The following PDZD8 variants were observed in gnomAD, a reference collection of about 807,000 sequenced individuals.
PDZD8 encodes PDZ domain-containing protein 8.
A neutral mutation model predicts 85.8 loss-of-function variants in PDZD8; 14 were observed. That is an observed-to-expected ratio of 0.16 (90% CI 0.11 to 0.26). The LOEUF (loss-of-function observed/expected upper bound fraction) is 0.26, where lower values mean the gene tolerates loss of function less well. PDZD8 is among the 10% of genes least tolerant of loss of function. The pLI is 1.00. For missense variants in PDZD8, 1,197 were observed against 1,424.3 expected (o/e 0.84, Z 2.57); for synonymous variants, 592 against 568.6 (o/e 1.04, Z -0.59).
Position 117,285,118 on chromosome 10 carries a change from G to A in PDZD8, c.1615C>T (p.Pro539Ser). The A allele has an allele frequency of 1.2e-6, 2 of 1,614,040 alleles. No homozygotes were observed. The highest frequency in any genetic ancestry group is 2.2e-5 in the East Asian group (1 of 44,894). The change falls in exon 5 of 5, where the codon CCA becomes TCA. Residue 539 changes from proline to serine, a missense_variant. Pro to Ser is a moderately conservative substitution (Grantham distance 74, BLOSUM62 -1). Around this residue, in one of 4 missense-constraint regions of PDZD8, gnomAD observed 263 missense variants for 261.9 expected, o/e 1.00. Transcript: ENST00000334464. Reference sequence around the variant, plus strand: ...ACAGCTAATTTACGGTTTAAAACTGGTGATATAGCTCCAAGGGGTTTAATA... The same window carrying A: ...ACAGCTAATTTACGGTTTAAAACTGATGATATAGCTCCAAGGGGTTTAATA... ...LSIKPLGAISPVLNRKLAVGS... is the reference protein window; with the variant it reads ...LSIKPLGAISSVLNRKLAVGS...
intron 2 of PDZD8, among the ~76,000 whole-genome samples, chr10:117,320,601 C>A (rs1844212198): frequency 6.6e-6 from 1 of 151,826 alleles, no homozygotes; most frequent in Admixed American, 6.6e-5. Flanking sequence ...TAGAAGAAAA[C>A]ATAAAAGTAA....
At chr10:117,359,642 C>CAG (rs1327180476) in intron 1 of PDZD8, among the ~76,000 whole-genome samples, 3 of 151,994 alleles carry the variant, frequency 2.0e-5, no homozygotes, top group South Asian at 4.2e-4. Context: ...GCCCAGGAGG[C>CAG]AGAGGTTGCA....
rs562514942 is a variant in PDZD8 at position 117,342,261 on chromosome 10, A to G, written c.873-1159T>C. 1.2e-4 allele frequency among the ~76,000 whole-genome samples: 19 copies of G among 152,308 alleles called. 2 individuals carry two copies. In the South Asian group the frequency reaches 3.7e-3, roughly 30 times the overall value. On this transcript the variant is annotated intron_variant, in intron 1 of 4. Transcript: ENST00000334464. Reference sequence around the variant, plus strand: ...CAACTCATACTCCTCCATTAAAGCTAAAGAAAAAGAAAATGAAAGAAAATT... The same window carrying G: ...CAACTCATACTCCTCCATTAAAGCTGAAGAAAAAGAAAATGAAAGAAAATT...
In PDZD8 at chr10:117,375,260, C is replaced by G. The variant is rs748307889; in HGVS notation, c.-33G>C. On this transcript the variant is annotated 5_prime_UTR_variant, in exon 1 of 5. Transcript: ENST00000334464. ...CCGCCTCCGCCCGGGCCCCTACTCC[C>G]GCGCCCACAGCGCCGCTTTCTTCAC... 7.0e-7 allele frequency: 1 copy of G among 1,429,496 alleles called. No homozygotes were observed. Among genetic ancestry groups the G allele is most frequent in the Non-Finnish European group, 9.1e-7 (1 of 1,095,602 alleles). 88.6% of individuals were successfully genotyped at this position (1,429,496 alleles called of 1,614,324 possible).
intron 2 of PDZD8, among the ~76,000 whole-genome samples, chr10:117,339,742 A>G (rs1844578630): frequency 6.6e-6 from 1 of 152,224 alleles, no homozygotes; most frequent in African/African-American, 2.4e-5. Context: ...CATGTGAATC[A>G]CAGCCTAAAA....
At chr10:117,347,856 T>A (rs1294962737) in intron 1 of PDZD8, among the ~76,000 whole-genome samples, 1 of 152,158 alleles carries the variant, frequency 6.6e-6, no homozygotes, top group Non-Finnish European at 1.5e-5. Flanking sequence ...AAGGATCAGA[T>A]ATTATATGAC....
chr10:117,367,597 G>T (rs1478623988), intron 1 of PDZD8, among the ~76,000 whole-genome samples: 10 of 152,204 alleles, frequency 6.6e-5, no homozygotes, highest in Non-Finnish European at 1.5e-5. Context: ...TGTGCAAGAA[G>T]TAAAATCAGC....
rs1372690689 is a variant in PDZD8, at chr10:117,290,178, A to C, written c.1261+8T>G. ...AAGGTAAAGTATAATGCATATTAGC[A>C]TAATTACCTCCAATGGCGATAAGTC... On this transcript the variant is annotated splice_region_variant and intron_variant, in intron 4 of 4. Coordinates refer to ENST00000334464, the MANE Select transcript of PDZD8 (RefSeq NM_173791.5). 1 of 1,611,208 alleles carries C rather than the reference A, an allele frequency of 6.2e-7. No individual in the cohort carries two copies. Among genetic ancestry groups the C allele is most frequent in the Admixed American group, 1.7e-5 (1 of 59,302 alleles).
intron 1 of PDZD8, among the ~76,000 whole-genome samples, chr10:117,365,123 C>A (rs1474750477): frequency 6.7e-6 from 1 of 148,196 alleles, no homozygotes; most frequent in Non-Finnish European, 1.5e-5. Flanking sequence ...AAATATATGC[C>A]AAAAAAAAAA....
intron 3 of PDZD8, among the ~76,000 whole-genome samples, chr10:117,308,879 T>C (rs1291966940): frequency 6.6e-6 from 1 of 152,184 alleles, no homozygotes; most frequent in Non-Finnish European, 1.5e-5. Context: ...CTTAAAACTA[T>C]GACTGGCACA....
chr10:117,289,996 G>A (rs1316446833), intron 4 of PDZD8, among the ~76,000 whole-genome samples, 190 bp downstream of exon 4: 1 of 152,116 alleles, frequency 6.6e-6, no homozygotes, highest in African/African-American at 2.4e-5. Flanking sequence ...AAAATGGCAT[G>A]TATGTTTTAA....
At chr10:117,367,646 C>T (rs917626965) in intron 1 of PDZD8, among the ~76,000 whole-genome samples, 8 of 151,866 alleles carry the variant, frequency 5.3e-5, no homozygotes, top group Non-Finnish European at 7.4e-5. Flanking sequence ...CTTAGGTGTG[C>T]TAAGAAAGCT....
intron 4 of PDZD8, among the ~76,000 whole-genome samples, chr10:117,287,066 T>C (rs757868841): frequency 6.6e-5 from 10 of 152,310 alleles, no homozygotes; most frequent in Non-Finnish European, 1.5e-4. Context: ...GAAGCTACCT[T>C]TTCTCCCTAC....
intron 4 of PDZD8, among the ~76,000 whole-genome samples, chr10:117,286,418 T>C (rs1844665262): frequency 6.6e-6 from 1 of 152,200 alleles, no homozygotes; most frequent in South Asian, 2.1e-4. Context: ...GAAGGCTCTT[T>C]GTTTTCCAAA....
At chr10:117,299,951 A>G (rs938747313) in intron 3 of PDZD8, among the ~76,000 whole-genome samples, 6 of 152,078 alleles carry the variant, frequency 3.9e-5, no homozygotes, top group Non-Finnish European at 7.4e-5. Flanking sequence ...GTGTGCAGTG[A>G]TCTTGTTGCC....
At chr10:117,368,261 G>C (rs1045388506) in intron 1 of PDZD8, among the ~76,000 whole-genome samples, 1 of 152,062 alleles carries the variant, frequency 6.6e-6, no homozygotes, top group Non-Finnish European at 1.5e-5. Context: ...CTTATACAGA[G>C]ATATGACGAG....
At chr10:117,294,087 T>C (rs1000563932) in intron 3 of PDZD8, among the ~76,000 whole-genome samples, 2 of 152,232 alleles carry the variant, frequency 1.3e-5, no homozygotes, top group Admixed American at 6.5e-5. Flanking sequence ...AATGCTTATA[T>C]AGGGGGGAAA....
At chr10:117,312,191 G>A (rs1199110038) in intron 3 of PDZD8, among the ~76,000 whole-genome samples, 1 of 152,140 alleles carries the variant, frequency 6.6e-6, no homozygotes, top group Admixed American at 6.6e-5. Context: ...TTTGTATGGG[G>A]AGAAATGAGT....
intron 2 of PDZD8, among the ~76,000 whole-genome samples, chr10:117,328,610 G>T (rs1011262727): frequency 2.0e-5 from 3 of 151,932 alleles, no homozygotes; most frequent in East Asian, 1.9e-4. Context: ...TAGAGAGAAG[G>T]TCTCACTATG....
Sources: gnomAD v4.1 joint callset for allele counts (sites outside exome capture counted in the v4.1 genomes callset) on GRCh38, gnomAD v4.1.1 for gene constraint, gnomAD v4.1.1 regional missense constraint, MANE v1.5 for transcripts, NCBI Gene and HGNC (gene_info 2026-07-23, HGNC 2026-07-21) for gene names.